NRCAM: variants seen among roughly 807,000 people sequenced by gnomAD.
NRCAM encodes the protein neuronal cell adhesion molecule, also known as NgCAM-related cell adhesion molecule.
A neutral mutation model predicts 156.5 loss-of-function variants in NRCAM; 83 were observed. The observed-to-expected ratio is 0.53, with a 90% CI of 0.44 to 0.64. The LOEUF is 0.64. Ranked by LOEUF, NRCAM falls within the 30% of genes least tolerant of loss-of-function variation. NRCAM has a pLI of 0.00. For synonymous variants in NRCAM, 538 were observed against 563.9 expected (o/e 0.95, Z 0.65); for missense variants, 1,417 against 1,597.3 (o/e 0.89, Z 1.92).
intron 3 of NRCAM, among the ~76,000 whole-genome samples, chr7:108,297,318 C>A (rs538225547): frequency 6.6e-6 from 1 of 152,302 alleles, no homozygotes; most frequent in East Asian, 1.9e-4. Context: ...AACTCTACCT[C>A]CGCATTTTAA....
chr7:108,296,650 G>T (rs965403715), intron 3 of NRCAM, among the ~76,000 whole-genome samples: 4 of 152,106 alleles, frequency 2.6e-5, no homozygotes, highest in Non-Finnish European at 5.9e-5. Flanking sequence ...GTCTGGATCA[G>T]GTCTTGAGAA....
At chr7:108,223,677 C>T in intron 11 of NRCAM, 48 bp downstream of exon 11, 1 of 943,238 alleles carries the variant, frequency 1.1e-6, no homozygotes, top group Non-Finnish European at 1.7e-6. Context: ...TACCAACCTA[C>T]TATATTTTTA....
rs772911568 is a variant in NRCAM at position 108,226,192 on chromosome 7, G to C, written c.721+16C>G. The stretch of plus-strand genomic sequence containing the variant: ...AAATGTCATTGAAGGGGAGATTTGG[G>C]AAGCTGAACTCTTACCTGAAATCAC... On this transcript the variant is annotated intron_variant, in intron 9 of 32. Transcript: ENST00000379028. 6 of 1,552,610 alleles carry C rather than the reference G, an allele frequency of 3.9e-6. No homozygotes were observed. Among genetic ancestry groups the C allele is most frequent in the Non-Finnish European group, 4.3e-6 (5 of 1,150,266 alleles).
At chr7:108,385,538 T>G (rs1223076047) in intron 2 of NRCAM, among the ~76,000 whole-genome samples, 1 of 152,192 alleles carries the variant, frequency 6.6e-6, no homozygotes, top group Non-Finnish European at 1.5e-5. Context: ...CAGTGGGATC[T>G]CCAATGAATT....
chr7:108,455,811 G>C (rs1856616689), intron 1 of NRCAM, among the ~76,000 whole-genome samples: 1 of 152,134 alleles, frequency 6.6e-6, no homozygotes, highest in Non-Finnish European at 1.5e-5. Context: ...GTGACGCCCC[G>C]CGCCTCCGTG....
At chr7:108,226,532 A>T (rs1361784327) in intron 8 of NRCAM, among the ~76,000 whole-genome samples, 154 bp from the exon 9 acceptor site, 1 of 6,086 alleles carries the variant, frequency 1.6e-4, no homozygotes, top group Non-Finnish European at 4.1e-4. Flanking sequence ...AATAACTGTA[A>T]AAAAAAAAAA....
intron 2 of NRCAM, among the ~76,000 whole-genome samples, chr7:108,349,011 T>G (rs2099391301): frequency 6.6e-6 from 1 of 152,134 alleles, no homozygotes; most frequent in Non-Finnish European, 1.5e-5. Context: ...TAGGGAAGTT[T>G]TGCTATGTGA....
intron 1 of NRCAM, among the ~76,000 whole-genome samples, chr7:108,448,765 T>C (rs556257196): frequency 6.6e-6 from 1 of 151,556 alleles, no homozygotes; most frequent in East Asian, 1.9e-4. Context: ...AATATAAGAG[T>C]GATGGACTCC....
At chr7:108,443,963 T>C (rs1841663360) in intron 1 of NRCAM, among the ~76,000 whole-genome samples, 1 of 151,994 alleles carries the variant, frequency 6.6e-6, no homozygotes, top group South Asian at 2.1e-4. Context: ...CAGATATAGA[T>C]ATAGATGATG....
At chr7:108,279,459 T>A (rs1030836516) in intron 3 of NRCAM, among the ~76,000 whole-genome samples, 1 of 152,204 alleles carries the variant, frequency 6.6e-6, no homozygotes, top group Non-Finnish European at 1.5e-5. Flanking sequence ...AGTTTGGGAA[T>A]TGGGGAGATT....
chr7:108,184,658 G>T, intron 20 of NRCAM, 44 bp from the exon 21 acceptor site: 1 of 1,572,822 alleles, frequency 6.4e-7, no homozygotes. Flanking sequence ...CGTGAATTCA[G>T]TCAACTCAGG....
At chr7:108,284,158 T>A (rs1048761967) in intron 3 of NRCAM, among the ~76,000 whole-genome samples, 5 of 152,112 alleles carry the variant, frequency 3.3e-5, no homozygotes, top group Non-Finnish European at 7.3e-5. Flanking sequence ...CTTAAATGTC[T>A]CTTGTCCGAA....
At chr7:108,414,644 T>G (rs1799267387) in intron 1 of NRCAM, among the ~76,000 whole-genome samples, 1 of 152,154 alleles carries the variant, frequency 6.6e-6, no homozygotes, top group Non-Finnish European at 1.5e-5. Flanking sequence ...GTTCAGTGTT[T>G]TAGAAAATGG....
At chr7:108,249,378 A>C (rs934801433) in intron 3 of NRCAM, among the ~76,000 whole-genome samples, 2 of 152,246 alleles carry the variant, frequency 1.3e-5, no homozygotes, top group African/African-American at 4.8e-5. Context: ...TATAAAGAAC[A>C]AATCTCAGTC....
chr7:108,403,553 G>A (rs1596586032), intron 1 of NRCAM, among the ~76,000 whole-genome samples: 1 of 152,106 alleles, frequency 6.6e-6, no homozygotes, highest in Non-Finnish European at 1.5e-5. Context: ...CAATTATCCT[G>A]AAAATATAAT....
chr7:108,382,351 T>G (rs554568618), intron 2 of NRCAM, among the ~76,000 whole-genome samples: 87 of 152,112 alleles, frequency 5.7e-4, no homozygotes, highest in African/African-American at 2.0e-3. Flanking sequence ...ATCCCAGCAC[T>G]TTGGGAGGCT....
chr7:108,263,750 T>C (rs1368474246), intron 3 of NRCAM, among the ~76,000 whole-genome samples: 1 of 152,242 alleles, frequency 6.6e-6, no homozygotes, highest in East Asian at 1.9e-4. Flanking sequence ...AATTTTCATG[T>C]TGGGTGGGTG....
At chr7:108,379,976 G>C (rs1039144142) in intron 2 of NRCAM, among the ~76,000 whole-genome samples, 1 of 152,130 alleles carries the variant, frequency 6.6e-6, no homozygotes, top group Non-Finnish European at 1.5e-5. Flanking sequence ...ATTGATGAAA[G>C]ACTTGAATTC....
intron 2 of NRCAM, among the ~76,000 whole-genome samples, chr7:108,332,150 T>C (rs189578023): frequency 5.3e-5 from 8 of 152,324 alleles, no homozygotes; most frequent in Admixed American, 3.3e-4. Context: ...ACAGGAGTCA[T>C]CTGTTTCTGT....
Sources: gnomAD v4.1 joint callset for allele counts (sites outside exome capture counted in the v4.1 genomes callset) on GRCh38, gnomAD v4.1.1 for gene constraint, MANE v1.5 for transcripts, NCBI Gene and HGNC (gene_info 2026-07-23, HGNC 2026-07-21) for gene names.